EML3: variants seen among roughly 807,000 people sequenced by gnomAD.
The protein encoded by EML3 is EMAP like 3.
Under a neutral mutation model 106.7 loss-of-function variants are expected in EML3, and 53 were observed. The ratio of observed to expected loss-of-function variants is 0.50; its 90% confidence interval spans 0.40 to 0.62. The LOEUF (loss-of-function observed/expected upper bound fraction) is 0.62, where lower values mean the gene tolerates loss of function less well. Among genes scored for constraint, EML3 ranks in the 20% least tolerant of loss-of-function variants. The pLI is 0.00. For missense variants in EML3, 994 were observed against 1,209.1 expected, an observed-to-expected ratio of 0.82 and a Z score of 2.64; for synonymous variants, 499 against 489.6, an observed-to-expected ratio of 1.02 and a Z score of -0.25.
chr11:62,605,726 G>T lies in EML3; in HGVS notation c.1830C>A (p.Asn610Lys). 6.2e-7 allele frequency: 1 copy of T among 1,601,140 alleles called. No homozygotes were observed. The highest frequency in any genetic ancestry group is 1.3e-5 in the African/African-American group (1 of 74,856). Reference protein sequence around the residue: ...LWGLCTHPSQNRFLTCGHDRQ... With the variant: ...LWGLCTHPSQKRFLTCGHDRQ... ...GGTCGTGGCCGCAGGTGAGGAAGCG[G>T]TTCTGGGAGGGGTGTGTGCAGAGCC... The change falls in exon 15 of 22, where the codon AAC becomes AAA. Residue 610 changes from asparagine (N) to lysine (K), a missense_variant. Asn to Lys is a moderately conservative substitution (Grantham distance 94). This residue lies in a region of EML3 where 713 missense variants were observed against 920.5 expected (regional missense o/e 0.77). Transcript: ENST00000394773. The surrounding 1 kb of genome is among the most constrained non-coding windows in gnomAD (Gnocchi z 5.2).
Position 62,605,975 on chromosome 11 carries a change from G to A in EML3, c.1662C>T (p.Pro554=), listed in dbSNP as rs374485768. 2.0e-5 allele frequency: 32 copies of A among 1,613,932 alleles called. No homozygotes were observed. Among genetic ancestry groups the A allele is most frequent in the Non-Finnish European group, 2.5e-5 (30 of 1,180,034 alleles). Residue 554 remains proline (P), a synonymous_variant, in exon 14 of 22, where the codon CCC becomes CCT. Transcript: ENST00000394773. The surrounding 1 kb of genome is among the most constrained non-coding windows in gnomAD (Gnocchi z 5.2). ...GLVALQEAEI[P]EHFGAVRAIA... is the part of the protein sequence containing the mutation. ...TGGCTCGCACGGCCCCGAAGTGCTCGGGAATCTGCAGAGTGGTAGCAGAAT... is the reference window on the plus strand; with the variant it reads ...TGGCTCGCACGGCCCCGAAGTGCTCAGGAATCTGCAGAGTGGTAGCAGAAT...
intron 11 of EML3, 96 bp from the exon 12 acceptor site, chr11:62,607,195 C>T (rs1364341389): frequency 1.3e-6 from 2 of 1,492,528 alleles, no homozygotes; most frequent in East Asian, 4.6e-5. Context: ...TGCCTGTAAT[C>T]CCAGCACTTT....
chr11:62,602,373 G>C lies in EML3; in HGVS notation c.*102C>G. 1.9e-6 allele frequency: 3 copies of C among 1,550,800 alleles called. No homozygotes were observed. Among genetic ancestry groups the C allele is most frequent in the Non-Finnish European group, 2.6e-6 (3 of 1,146,548 alleles). On this transcript the variant is annotated 3_prime_UTR_variant, in exon 22 of 22. Coordinates refer to ENST00000394773, the MANE Select transcript of EML3 (RefSeq NM_153265.3). ...CGCGATCGGGAATGTCTCGAAGTCA[G>C]TCCAGGAAAGAGTCGGCCCCTAGTC...
intron 10 of EML3, 184 bp from the exon 11 acceptor site, chr11:62,608,005 T>C: frequency 1.3e-6 from 1 of 792,674 alleles, no homozygotes. Flanking sequence ...ATCACCCTAA[T>C]ACCTAACACA....
chr11:62,604,201 C>T lies in EML3; in HGVS notation c.1983G>A (p.Arg661=). 6.2e-7 allele frequency: 1 copy of T among 1,613,688 alleles called. No individual in the cohort carries two copies. Among genetic ancestry groups the T allele is most frequent in the Non-Finnish European group, 8.5e-7 (1 of 1,179,940 alleles). ...AVVAVGLNTG[R]WLVLDTETRE... ...TGGTCTCTGTGTCCAAAACCAACCA[C>T]CTGGAAGGGAGGGAAGTGGAGGCAG... The change falls in exon 17 of 22, where the codon AGG becomes AGA. Residue 661 remains arginine (R), a splice_region_variant and synonymous_variant. Coordinates refer to ENST00000394773, the MANE Select transcript of EML3 (RefSeq NM_153265.3).
chr11:62,602,550 A>G lies in EML3; in HGVS notation c.2616T>C (p.Ala872=). 1.3e-6 allele frequency: 2 copies of G among 1,494,498 alleles called. No homozygotes were observed. Among genetic ancestry groups the G allele is most frequent in the Non-Finnish European group, 1.8e-6 (2 of 1,123,480 alleles). The allele number at this position is 1,494,498 out of a possible 1,614,324, so 92.6% of individuals were successfully genotyped here. A position where few individuals can be genotyped will look rare whatever the true frequency, so the allele number is the denominator to read the frequency against. Residue 872 remains alanine (A), a synonymous_variant, in exon 22 of 22, where the codon GCT becomes GCC. Coordinates refer to ENST00000394773, the MANE Select transcript of EML3 (RefSeq NM_153265.3). ...TGGCGGGCGCCGGCCCCGCGCCCCCAGCGCCCAGCACTCGCCACTGGAAGA... is the reference window on the plus strand; with the variant it reads ...TGGCGGGCGCCGGCCCCGCGCCCCCGGCGCCCAGCACTCGCCACTGGAAGA... ...ASIFQWRVLG[A]GGAGPAPATP...
intron 12 of EML3, 84 bp downstream of exon 12, chr11:62,606,874 A>C: frequency 3.6e-6 from 5 of 1,395,240 alleles, no homozygotes; most frequent in Non-Finnish European, 2.9e-6. Context: ...AAAAAAAAAA[A>C]GATGGGAATG....
chr11:62,609,505 A>T lies in EML3; in HGVS notation c.635-28T>A, dbSNP rs535787677. The T allele has an allele frequency of 6.5e-6, 10 of 1,540,768 alleles. No homozygotes were observed. In the South Asian group the frequency reaches 1.3e-4, roughly 19 times the overall value. The stretch of plus-strand genomic sequence containing the variant: ...ACAGAGAAAAGGGGTGGTGTCAACT[A>T]CCCCCTTCCAGGAAAGACAGAGCAG... On this transcript the variant is annotated intron_variant, in intron 5 of 21. Coordinates refer to ENST00000394773, the MANE Select transcript of EML3 (RefSeq NM_153265.3).
rs1006678732 is a variant in EML3, at chr11:62,602,436, G to T, written c.*39C>A. ...GCCAGGGAAGGGCAGGGCGGGGCGG[G>T]GCCACGCCGCCGGGCCAGTCGGTCC... is the stretch of plus-strand genomic sequence containing the variant. On this transcript the variant is annotated 3_prime_UTR_variant, in exon 22 of 22. Coordinates refer to ENST00000394773, the MANE Select transcript of EML3 (RefSeq NM_153265.3). The T allele has an allele frequency of 1.3e-6, 2 of 1,545,360 alleles. No individual in the cohort carries two copies. Among genetic ancestry groups the T allele is most frequent in the Non-Finnish European group, 1.7e-6 (2 of 1,143,004 alleles).
intron 12 of EML3, 43 bp downstream of exon 12, chr11:62,606,915 T>C (rs774494514): frequency 6.6e-7 from 1 of 1,506,370 alleles, no homozygotes; most frequent in Non-Finnish European, 9.0e-7. Flanking sequence ...CCACAGAACC[T>C]CTGGAGTACT....
intron 6 of EML3, 94 bp downstream of exon 6, chr11:62,609,260 C>T: frequency 6.5e-7 from 1 of 1,547,570 alleles, no homozygotes; most frequent in South Asian, 1.2e-5. Flanking sequence ...CTAGAAGGCT[C>T]CTTGTCCCCA....
chr11:62,608,357 T>C, intron 9 of EML3, 61 bp from the exon 10 acceptor site: 2 of 1,509,426 alleles, frequency 1.3e-6, no homozygotes, highest in South Asian at 2.3e-5. Context: ...GGGTTCATGG[T>C]CATTAGGTTA....
chr11:62,602,527 G>A lies in EML3; in HGVS notation c.2639C>T (p.Ala880Val), dbSNP rs1165191813. The change falls in exon 22 of 22, where the codon GCC becomes GTC. Residue 880 changes from alanine to valine, a missense_variant. Around this residue, in one of 3 missense-constraint regions of EML3, gnomAD observed 713 missense variants for 920.5 expected, o/e 0.77. Transcript: ENST00000394773. ...CAGGGAGGGGGTTCGAGAGGGCGTG[G>A]CGGGCGCCGGCCCCGCGCCCCCAGC... is the stretch of plus-strand genomic sequence containing the variant. ...LGAGGAGPAP[A>V]TPSRTPSLSP... The A allele has an allele frequency of 1.3e-6, 2 of 1,493,322 alleles. No individual in the cohort carries two copies. The highest frequency in any genetic ancestry group is 1.8e-4 in the Middle Eastern group (1 of 5,654). The allele number at this position is 1,493,322 out of a possible 1,614,324, so 92.5% of individuals were successfully genotyped here. A position where few individuals can be genotyped will look rare whatever the true frequency, so the allele number is the denominator to read the frequency against.
In EML3 at chr11:62,605,974, C is replaced by T. The variant is rs1942493168; in HGVS notation, c.1663G>A (p.Glu555Lys). Residue 555 changes from glutamate (E) to lysine (K), a missense_variant, in exon 14 of 22, where the codon GAG becomes AAG. Coordinates refer to ENST00000394773, the MANE Select transcript of EML3 (RefSeq NM_153265.3). The surrounding 1 kb of genome is among the most constrained non-coding windows in gnomAD (Gnocchi z 5.2). ...ATGGCTCGCACGGCCCCGAAGTGCT[C>T]GGGAATCTGCAGAGTGGTAGCAGAA... ...LVALQEAEIP[E>K]HFGAVRAIAE... 2 of 1,613,924 alleles carry T rather than the reference C, an allele frequency of 1.2e-6. No individual in the cohort carries two copies. Among genetic ancestry groups the T allele is most frequent in the Non-Finnish European group, 8.5e-7 (1 of 1,180,022 alleles).
At chr11:62,604,264 A>C (rs1276513660) in intron 16 of EML3, 63 bp from the exon 17 acceptor site, 1 of 1,503,116 alleles carries the variant, frequency 6.7e-7, no homozygotes, top group African/African-American at 1.4e-5. Flanking sequence ...GGAGACCCCC[A>C]GGGAGGCCAC....
At position 62,605,001 on chromosome 11, in the gene EML3, A is replaced by G; in HGVS notation, c.1982+112T>C. The G allele has an allele frequency of 9.4e-7, 1 of 1,058,354 alleles. No homozygotes were observed. The highest frequency in any genetic ancestry group is 1.3e-6 in the Non-Finnish European group (1 of 750,892). The allele number at this position is 1,058,354 out of a possible 1,614,324, so 65.6% of individuals were successfully genotyped here. A position where few individuals can be genotyped will look rare whatever the true frequency, so the allele number is the denominator to read the frequency against. On this transcript the variant is annotated intron_variant, in intron 16 of 21. Coordinates refer to ENST00000394773, the MANE Select transcript of EML3 (RefSeq NM_153265.3). This position sits in a 1 kb window ranked among gnomAD's most constrained non-coding sequence, Gnocchi z 5.2. ...CAGGGAGAGGCACAGAGGAGTGCCAAGGCGCAGGTGGCTCCTGGGTAGAGG... is the reference window on the plus strand; with the variant it reads ...CAGGGAGAGGCACAGAGGAGTGCCAGGGCGCAGGTGGCTCCTGGGTAGAGG...
intron 10 of EML3, 99 bp from the exon 11 acceptor site, chr11:62,607,920 T>A: frequency 1.4e-6 from 2 of 1,411,126 alleles, no homozygotes; most frequent in Middle Eastern, 1.8e-4. Context: ...CTGGCAGAGG[T>A]CCAGAAACCC....
intron 5 of EML3, 74 bp from the exon 6 acceptor site, chr11:62,609,551 C>A: frequency 6.4e-7 from 1 of 1,556,934 alleles, no homozygotes; most frequent in Non-Finnish European, 8.7e-7. Context: ...ACCACACCTA[C>A]CCAAAATAGC....
Position 62,612,635 on chromosome 11 carries a change from C to T in EML3, c.-178G>A. The T allele has an allele frequency of 7.7e-6, 4 of 521,990 alleles. No homozygotes were observed. The highest frequency in any genetic ancestry group is 1.0e-4 in the South Asian group (2 of 19,556). The allele number at this position is 521,990 out of a possible 1,614,324, so 32.3% of individuals were successfully genotyped here. A position where few individuals can be genotyped will look rare whatever the true frequency, so the allele number is the denominator to read the frequency against. On this transcript the variant is annotated 5_prime_UTR_variant, in exon 1 of 22. Transcript: ENST00000394773. ...GGGCCTGGAGGGGGCGCTGTGGGCCCGGGGCCGCAGTCTCCAGACCCCCCC... is the reference window on the plus strand; with the variant it reads ...GGGCCTGGAGGGGGCGCTGTGGGCCTGGGGCCGCAGTCTCCAGACCCCCCC...
Sources: gnomAD v4.1 joint callset for allele counts on GRCh38, gnomAD v4.1.1 for gene constraint, gnomAD v4.1.1 regional missense constraint, Gnocchi (gnomAD v3.1) non-coding constraint, MANE v1.5 for transcripts, NCBI Gene and HGNC (gene_info 2026-07-23, HGNC 2026-07-21) for gene names.